PTPRJ: variants seen among roughly 807,000 people sequenced by gnomAD.
PTPRJ encodes receptor-type tyrosine-protein phosphatase eta.
A neutral mutation model predicts 141.3 loss-of-function variants in PTPRJ; 129 were observed. That is an observed-to-expected ratio of 0.91 (90% CI 0.79 to 1.06). PTPRJ has a LOEUF of 1.06. Among genes scored for constraint, PTPRJ ranks in the 50% least tolerant of loss-of-function variants. The pLI, the probability that PTPRJ is intolerant of heterozygous loss-of-function variation, is 0.00. For missense variants in PTPRJ, 1,601 were observed against 1,679.7 expected (o/e 0.95, Z 0.82); for synonymous variants, 610 against 640.5 (o/e 0.95, Z 0.72).
In PTPRJ at chr11:48,167,273, C is replaced by A. The variant is rs1205276290; in HGVS notation, c.3925C>A (p.Leu1309Ile). 1.2e-6 allele frequency: 2 copies of A among 1,612,210 alleles called. No homozygotes were observed. The highest frequency in any genetic ancestry group is 1.7e-6 in the Non-Finnish European group (2 of 1,178,320). ...ATCCCAGAAAGACTCAAAAGTAGAT[C>A]TTATCTACCAGAACACAACTGCAAT... ...VRSQKDSKVD[L>I]IYQNTTAMTI... is the part of the protein sequence containing the mutation. Residue 1309 changes from leucine to isoleucine, a missense_variant, in exon 25 of 25, where the codon CTT becomes ATT. By Grantham distance (5) the Leu-to-Ile change is conservative. Coordinates refer to ENST00000418331, the MANE Select transcript of PTPRJ (RefSeq NM_002843.4).
chr11:48,002,721 C>T (rs1851397288), intron 1 of PTPRJ, among the ~76,000 whole-genome samples: 1 of 152,090 alleles, frequency 6.6e-6, no homozygotes, highest in Non-Finnish European at 1.5e-5. Flanking sequence ...GAGGTCAGGT[C>T]ACCTTGCTGA....
Position 48,142,952 on chromosome 11 carries a change from C to T in PTPRJ, c.2477C>T (p.Thr826Ile), listed in dbSNP as rs750744111. The change falls in exon 12 of 25, where the codon ACA becomes ATA. Residue 826 changes from threonine (T) to isoleucine (I), a missense_variant. Physicochemically the swap from Thr to Ile is moderately conservative, Grantham distance 89 (BLOSUM62 -1). Transcript: ENST00000418331. ...CCTCCAGATGGATCCCCTAATATTA[C>T]ATCTGTCAGTCACAATTCAGTAAAG... is the stretch of plus-strand genomic sequence containing the variant. ...PPPPDGSPNI[T>I]SVSHNSVKVK... is the part of the protein sequence containing the mutation. The T allele has an allele frequency of 1.9e-6, 3 of 1,614,030 alleles. No individual in the cohort carries two copies. Among genetic ancestry groups the T allele is most frequent in the Admixed American group, 3.3e-5 (2 of 60,000 alleles).
chr11:48,127,601 C>T (rs1378453843), intron 6 of PTPRJ, among the ~76,000 whole-genome samples, 179 bp from the exon 7 acceptor site: 2 of 152,166 alleles, frequency 1.3e-5, no homozygotes, highest in African/African-American at 2.4e-5. Context: ...CTTCACCGCC[C>T]AATGATGCCT....
Position 48,082,410 on chromosome 11 carries a change from A to ATTTTT in PTPRJ, c.97-27632_97-27628dup, listed in dbSNP as rs386373791. Among the ~76,000 whole-genome samples the ATTTTT allele has an allele frequency of 3.2e-5, 4 of 125,248 alleles. 1 individual carries two copies. Among genetic ancestry groups the ATTTTT allele is most frequent in the Non-Finnish European group, 4.9e-5 (3 of 61,398 alleles). 82.2% of individuals were successfully genotyped at this position (125,248 alleles called of 152,430 possible). A position where few individuals can be genotyped will look rare whatever the true frequency, so the allele number is the denominator to read the frequency against. ...AGGCTTACACCACCATACCTGGCAA[A>ATTTTT]TTTTTTTTTTTTTTTTTTTTGGAGA... On this transcript the variant is annotated intron_variant, in intron 1 of 24. Transcript: ENST00000418331.
At chr11:48,136,948 T>C in intron 9 of PTPRJ, 55 bp from the exon 10 acceptor site, 1 of 1,475,684 alleles carries the variant, frequency 6.8e-7, no homozygotes, top group Non-Finnish European at 9.3e-7. Context: ...TAAATAGTCC[T>C]GGAATTCTAC....
At chr11:48,054,231 G>A (rs554532042) in intron 1 of PTPRJ, among the ~76,000 whole-genome samples, 1 of 152,302 alleles carries the variant, frequency 6.6e-6, no homozygotes, top group South Asian at 2.1e-4. Flanking sequence ...ATGGCGCCCG[G>A]CCCTAGTTCA....
intron 1 of PTPRJ, among the ~76,000 whole-genome samples, chr11:48,055,937 G>GGC (rs1854741128): frequency 6.6e-6 from 1 of 152,206 alleles, no homozygotes; most frequent in African/African-American, 2.4e-5. Context: ...GTTACTTGCT[G>GGC]GCATGCATAG....
intron 10 of PTPRJ, among the ~76,000 whole-genome samples, chr11:48,138,903 G>C (rs768094761): frequency 6.6e-6 from 1 of 152,166 alleles, no homozygotes; most frequent in Non-Finnish European, 1.5e-5. Context: ...GGGAGGCCAA[G>C]GTGGGTGGAT....
intron 1 of PTPRJ, among the ~76,000 whole-genome samples, chr11:47,999,196 T>A (rs1273838497): frequency 3.3e-5 from 5 of 152,152 alleles, no homozygotes; most frequent in Admixed American, 3.3e-4. Context: ...GATCAATTAG[T>A]GATGTCTGCC....
chr11:48,102,710 C>G (rs1409299235), intron 1 of PTPRJ, among the ~76,000 whole-genome samples: 1 of 152,054 alleles, frequency 6.6e-6, no homozygotes, highest in Admixed American at 6.6e-5. Flanking sequence ...AGCCACTGCA[C>G]CTGGCTTCTA....
intron 9 of PTPRJ, 23 bp from the exon 10 acceptor site, chr11:48,136,980 A>G (rs907450357): frequency 1.9e-6 from 3 of 1,556,324 alleles, no homozygotes; most frequent in Non-Finnish European, 2.6e-6. Flanking sequence ...TTTTACATGA[A>G]TTGCCTTTTT....
chr11:48,117,540 CAAAAAAAAAAAAA>C (rs71045545), intron 3 of PTPRJ, among the ~76,000 whole-genome samples: 5 of 19,696 alleles, frequency 2.5e-4, no homozygotes, highest in African/African-American at 9.6e-4. Context: ...GATTCTGTCT[CAAAAAAAAAAAAA>C]AAAAAAAAAA....
intron 3 of PTPRJ, among the ~76,000 whole-genome samples, chr11:48,119,150 C>T (rs1029276977): frequency 5.3e-5 from 8 of 151,714 alleles, no homozygotes; most frequent in Admixed American, 2.6e-4. Flanking sequence ...TGCTGCTGTT[C>T]TTGCTACCTG....
intron 1 of PTPRJ, among the ~76,000 whole-genome samples, chr11:48,033,656 G>C (rs1033705727): frequency 6.6e-6 from 1 of 152,190 alleles, no homozygotes; most frequent in Non-Finnish European, 1.5e-5. Context: ...ATGAGACAGG[G>C]AGCAGTGGAG....
intron 1 of PTPRJ, among the ~76,000 whole-genome samples, chr11:48,061,819 T>A (rs1250920268): frequency 1.3e-5 from 2 of 152,134 alleles, no homozygotes; most frequent in African/African-American, 2.4e-5. Context: ...AACAACTCCA[T>A]GTTGTGTGAC....
chr11:48,091,548 A>G (rs952617791), intron 1 of PTPRJ, among the ~76,000 whole-genome samples: 2 of 152,212 alleles, frequency 1.3e-5, no homozygotes, highest in African/African-American at 2.4e-5. Context: ...TGATCTTACA[A>G]TTACTGTCTG....
chr11:48,009,137 C>T (rs1485673072), intron 1 of PTPRJ, among the ~76,000 whole-genome samples: 7 of 152,094 alleles, frequency 4.6e-5, no homozygotes, highest in Non-Finnish European at 1.0e-4. Flanking sequence ...AACAAGAAGC[C>T]ATGTGTTGGA....
chr11:48,148,393 C>T (rs905733814), intron 15 of PTPRJ, among the ~76,000 whole-genome samples: 6 of 152,252 alleles, frequency 3.9e-5, no homozygotes, highest in African/African-American at 1.4e-4. Flanking sequence ...TAGAATCAAG[C>T]CTGCTTTATT....
At position 48,155,888 on chromosome 11, in the gene PTPRJ, C is replaced by T. The variant is rs367921378; in HGVS notation, c.3303+14C>T. 9.6e-5 allele frequency: 153 copies of T among 1,596,156 alleles called. 1 individual carries two copies. In the South Asian group the frequency reaches 1.3e-3, roughly 13 times the overall value. Reference sequence around the variant, plus strand: ...AACTACATGCCTGTAAGTTGGGGGACGGTCTCACAGCACTGGACTGTTTCG... The same window carrying T: ...AACTACATGCCTGTAAGTTGGGGGATGGTCTCACAGCACTGGACTGTTTCG... On this transcript the variant is annotated intron_variant, in intron 20 of 24. Transcript: ENST00000418331.
Sources: allele counts gnomAD v4.1 joint callset (sites outside exome capture counted in the v4.1 genomes callset), GRCh38; gene constraint gnomAD v4.1.1; transcripts MANE v1.5; gene names NCBI Gene and HGNC (gene_info 2026-07-23, HGNC 2026-07-21).